The following GAS7 variants were observed in gnomAD, a reference collection of about 807,000 sequenced individuals.
The protein encoded by GAS7 is growth arrest specific 7, also known as growth arrest-specific protein 7.
In GAS7, 28 loss-of-function variants were observed where a neutral mutation model predicts 71.1. That is an observed-to-expected ratio of 0.39 (90% CI 0.29 to 0.54). The LOEUF is 0.54. GAS7 is among the 20% of genes least tolerant of loss of function. The pLI is 0.62. For missense variants in GAS7, 436 were observed against 627.8 expected (o/e 0.69, Z 3.27); for synonymous variants, 258 against 245.8 (o/e 1.05, Z -0.46).
In GAS7 at chr17:9,981,818, G is replaced by C; in HGVS notation, c.371C>G (p.Ser124Cys). Reference sequence around the variant, plus strand: ...GCGGACATTACCTGTTGGAGGCAGAGAGCTCCTGTGAGAGCCAGGGCTGGC... The same window carrying C: ...GCGGACATTACCTGTTGGAGGCAGACAGCTCCTGTGAGAGCCAGGGCTGGC... ...IPASPGSHRS[S>C]LPPTVNGYHA... The change falls in exon 3 of 14, where the codon TCT becomes TGT. Residue 124 changes from serine to cysteine, a missense_variant. Physicochemically the swap from Ser to Cys is moderately radical, Grantham distance 112. Coordinates refer to ENST00000432992, the MANE Select transcript of GAS7 (RefSeq NM_201433.2). This position sits in a 1 kb window ranked among gnomAD's most constrained non-coding sequence, Gnocchi z 4.4. The C allele has an allele frequency of 1.3e-6, 2 of 1,592,264 alleles. No homozygotes were observed. The highest frequency in any genetic ancestry group is 1.7e-6 in the Non-Finnish European group (2 of 1,160,070).
chr17:10,048,410 C>T (rs2073012484), intron 1 of GAS7, among the ~76,000 whole-genome samples: 1 of 127,160 alleles, frequency 7.9e-6, no homozygotes, highest in Non-Finnish European at 1.5e-5. Flanking sequence ...TCTCCTCTAC[C>T]CTCCCTACCA....
chr17:10,091,263 A>C (rs572310012), intron 1 of GAS7, among the ~76,000 whole-genome samples: 3 of 152,266 alleles, frequency 2.0e-5, no homozygotes, highest in Admixed American at 6.5e-5. Flanking sequence ...CTGACTGCTT[A>C]ATGAGCATGA....
intron 1 of GAS7, among the ~76,000 whole-genome samples, chr17:10,056,772 A>G (rs2073143645): frequency 6.6e-6 from 1 of 150,454 alleles, no homozygotes; most frequent in African/African-American, 2.5e-5. Flanking sequence ...CCTCCCCACG[A>G]TCTCCCTCTC....
At chr17:9,962,536 A>G (rs2069540290) in intron 4 of GAS7, among the ~76,000 whole-genome samples, 1 of 152,272 alleles carries the variant, frequency 6.6e-6, no homozygotes, top group African/African-American at 2.4e-5. Context: ...ACAAATATGA[A>G]TGAATGACTG....
intron 2 of GAS7, among the ~76,000 whole-genome samples, chr17:10,016,988 G>A (rs9897469): frequency 0.059 from 8,606 of 146,714 alleles, 404 homozygotes; most frequent in African/African-American, 0.13. Flanking sequence ...GAAATCAGCC[G>A]GGCGTGATGA....
chr17:10,007,320 A>G (rs985518522), intron 2 of GAS7, among the ~76,000 whole-genome samples: 1 of 152,060 alleles, frequency 6.6e-6, no homozygotes, highest in Non-Finnish European at 1.5e-5. Flanking sequence ...TCCCTAACCA[A>G]GACGTCTAAA....
chr17:9,990,658 C>A (rs537157596), intron 2 of GAS7, among the ~76,000 whole-genome samples: 12 of 152,318 alleles, frequency 7.9e-5, no homozygotes, highest in African/African-American at 2.2e-4. Flanking sequence ...GAAGCATGTC[C>A]TTCATCATAG....
At position 10,179,658 on chromosome 17, in the gene GAS7, T is replaced by C. The variant is rs915888993; in HGVS notation, c.183+18550A>G. On this transcript the variant is annotated intron_variant, in intron 1 of 13. Coordinates refer to ENST00000432992, the MANE Select transcript of GAS7 (RefSeq NM_201433.2). ...CAGAGATCCACAGAAGGGCTGTGAC[T>C]TCCTTGGGCAAAAATGTCTTCAATG... Among the ~76,000 whole-genome samples, 3 of 152,136 alleles carry C rather than the reference T, an allele frequency of 2.0e-5. No individual in the cohort carries two copies. The East Asian group carries it at 5.8e-4, about 29-fold the overall frequency.
intron 1 of GAS7, among the ~76,000 whole-genome samples, chr17:10,101,342 G>A (rs1416033309): frequency 6.6e-6 from 1 of 152,174 alleles, no homozygotes; most frequent in Non-Finnish European, 1.5e-5. Flanking sequence ...TCTCTCCCTA[G>A]GACAGCCAAC....
chr17:10,190,840 T>C (rs937210883), intron 1 of GAS7, among the ~76,000 whole-genome samples: 1 of 149,476 alleles, frequency 6.7e-6, no homozygotes, highest in East Asian at 1.9e-4. Context: ...CTAAAAAATA[T>C]ATATCTCACA....
intron 2 of GAS7, among the ~76,000 whole-genome samples, chr17:10,000,201 A>AC (rs1164068588): frequency 6.6e-6 from 1 of 152,176 alleles, no homozygotes; most frequent in African/African-American, 2.4e-5. Flanking sequence ...TCTGGGTCTC[A>AC]CCCCTAGAGT....
chr17:10,123,890 C>T (rs531502892), intron 1 of GAS7, among the ~76,000 whole-genome samples: 6 of 152,294 alleles, frequency 3.9e-5, no homozygotes, highest in South Asian at 2.1e-4. Flanking sequence ...AGGGGGGCCC[C>T]GGACAGACAC....
chr17:10,114,046 C>CT (rs2073838058), intron 1 of GAS7, among the ~76,000 whole-genome samples: 1 of 152,114 alleles, frequency 6.6e-6, no homozygotes, highest in Admixed American at 6.6e-5. Context: ...TCCCGAGTAG[C>CT]TGGGGCTACA....
At chr17:10,113,115 T>C (rs1294816019) in intron 1 of GAS7, among the ~76,000 whole-genome samples, 1 of 151,884 alleles carries the variant, frequency 6.6e-6, no homozygotes, top group Non-Finnish European at 1.5e-5. Context: ...GGGGGAGCCA[T>C]GGGAGAGAAA....
At chr17:9,983,645 G>A (rs1170799486) in intron 2 of GAS7, among the ~76,000 whole-genome samples, 3 of 151,936 alleles carry the variant, frequency 2.0e-5, no homozygotes, top group Non-Finnish European at 4.4e-5. Flanking sequence ...AAAATTAGCT[G>A]GGCGCGATGG....
chr17:10,190,619 G>A (rs914120241), intron 1 of GAS7, among the ~76,000 whole-genome samples: 4 of 151,650 alleles, frequency 2.6e-5, no homozygotes, highest in African/African-American at 7.3e-5. Flanking sequence ...TTCTAAGGAA[G>A]AAGGGAAGGG....
chr17:10,126,458 G>A (rs956357241), intron 1 of GAS7, among the ~76,000 whole-genome samples: 5 of 147,108 alleles, frequency 3.4e-5, no homozygotes, highest in Admixed American at 6.8e-5. Flanking sequence ...GCGCGCACAC[G>A]CACTCATGCA....
chr17:10,135,465 A>G (rs1597811973), intron 1 of GAS7, among the ~76,000 whole-genome samples: 1 of 152,244 alleles, frequency 6.6e-6, no homozygotes, highest in Non-Finnish European at 1.5e-5. Context: ...TCTTCACCAG[A>G]AAGTCCAGGG....
intron 1 of GAS7, 153 bp from the exon 2 acceptor site, chr17:10,020,050 G>A (rs1310351589): frequency 1.0e-5 from 7 of 677,908 alleles, no homozygotes; most frequent in East Asian, 5.2e-5. Context: ...CAGCACACAC[G>A]TGACCTCCGG....
Sources: allele counts gnomAD v4.1 joint callset (sites outside exome capture counted in the v4.1 genomes callset), GRCh38; gene constraint gnomAD v4.1.1; non-coding constraint Gnocchi (gnomAD v3.1); transcripts MANE v1.5; gene names NCBI Gene and HGNC (gene_info 2026-07-23, HGNC 2026-07-21).